NXPE2: variants seen among roughly 807,000 people sequenced by gnomAD.
The protein encoded by NXPE2 is NXPE family member 2.
A neutral mutation model predicts 34.4 loss-of-function variants in NXPE2; 34 were observed. The observed-to-expected ratio is 0.99, with a 90% CI of 0.75 to 1.31. The LOEUF (loss-of-function observed/expected upper bound fraction) is 1.31. Among genes scored for constraint, NXPE2 ranks in the 40% most tolerant of loss-of-function variants. NXPE2 has a pLI of 0.00. For synonymous variants in NXPE2, 235 were observed against 231.3 expected, an observed-to-expected ratio of 1.02 and a Z score of -0.15; for missense variants, 649 against 672.5, an observed-to-expected ratio of 0.97 and a Z score of 0.39.
the NXPE2 span, among the ~76,000 whole-genome samples, chr11:114,480,206 A>T: frequency 6.8e-6 from 1 of 148,066 alleles, no homozygotes; most frequent in South Asian, 2.2e-4. Context: ...GAAGGAAAGA[A>T]GACCCAGAAG....
the NXPE2 span, among the ~76,000 whole-genome samples, chr11:114,524,734 G>A: frequency 6.6e-6 from 1 of 152,130 alleles, no homozygotes; most frequent in African/African-American, 2.4e-5. Flanking sequence ...TAAACCCTAT[G>A]TTGTGTAATC....
the NXPE2 span, among the ~76,000 whole-genome samples, chr11:114,592,327 T>C: frequency 6.6e-6 from 1 of 152,082 alleles, no homozygotes; most frequent in Non-Finnish European, 1.5e-5. Context: ...TCAGTAAAGT[T>C]GCAGGATACA....
intron 2 of NXPE2, among the ~76,000 whole-genome samples, chr11:114,689,984 A>G (rs560098648): frequency 6.6e-6 from 1 of 152,250 alleles, no homozygotes; most frequent in South Asian, 2.1e-4. Flanking sequence ...GTATTGTTAT[A>G]TGTGAGATGA....
chr11:114,805,775 A>C, the NXPE2 span, among the ~76,000 whole-genome samples: 1 of 152,344 alleles, frequency 6.6e-6, no homozygotes, highest in African/African-American at 2.4e-5. Context: ...GGGGCAGGGC[A>C]CAGACAAACA....
At chr11:114,808,693 C>G in the NXPE2 span, among the ~76,000 whole-genome samples, 1 of 151,474 alleles carries the variant, frequency 6.6e-6, no homozygotes, top group Non-Finnish European at 1.5e-5. Flanking sequence ...GAAATTGAGG[C>G]AATAATCAAT....
chr11:114,746,622 T>C, the NXPE2 span, among the ~76,000 whole-genome samples: 1 of 151,892 alleles, frequency 6.6e-6, no homozygotes, highest in African/African-American at 2.4e-5. Flanking sequence ...GAGGCTGAGG[T>C]GGGCGGATCA....
chr11:114,769,001 C>A, the NXPE2 span, among the ~76,000 whole-genome samples: 1 of 152,070 alleles, frequency 6.6e-6, no homozygotes, highest in Admixed American at 6.6e-5. Flanking sequence ...GCAAAAGAAA[C>A]TATCATCAGA....
chr11:114,628,876 A>G, the NXPE2 span, among the ~76,000 whole-genome samples: 1 of 152,052 alleles, frequency 6.6e-6, no homozygotes, highest in East Asian at 1.9e-4. Flanking sequence ...AACTACCATC[A>G]GAGAATGCTA....
In NXPE2 at chr11:114,698,678, G is replaced by A; in HGVS notation, c.766G>A (p.Val256Met). 6.2e-7 allele frequency: 1 copy of A among 1,614,120 alleles called. No individual in the cohort carries two copies. Among genetic ancestry groups the A allele is most frequent in the South Asian group, 1.1e-5 (1 of 91,058 alleles). Residue 256 changes from valine (V) to methionine (M), a missense_variant, in exon 3 of 6, where the codon GTG becomes ATG. Transcript: ENST00000389586. The stretch of plus-strand genomic sequence containing the variant: ...CAGAGACCAAGAAGCCTTCTACTGT[G>A]TGAGGCCTCAACATATGCCCTGTGA... ...DDRDQEAFYC[V>M]RPQHMPCEAL...
chr11:114,485,431 T>C, the NXPE2 span, among the ~76,000 whole-genome samples: 3 of 141,904 alleles, frequency 2.1e-5, no homozygotes, highest in East Asian at 4.2e-4. Context: ...GGTTTCACCA[T>C]GTTGGCCAGG....
chr11:114,711,126 A>G (rs1859604163), downstream of NXPE2, among the ~76,000 whole-genome samples: 1 of 152,182 alleles, frequency 6.6e-6, no homozygotes, highest in Non-Finnish European at 1.5e-5. Flanking sequence ...AAAAGCCCAC[A>G]GTTAATACCA....
chr11:114,568,940 C>A, the NXPE2 span, among the ~76,000 whole-genome samples: 1 of 151,570 alleles, frequency 6.6e-6, no homozygotes, highest in Non-Finnish European at 1.5e-5. Context: ...GACTATATAC[C>A]TAAAGACTAG....
chr11:114,556,884 C>T, the NXPE2 span, among the ~76,000 whole-genome samples: 1 of 150,810 alleles, frequency 6.6e-6, no homozygotes, highest in Admixed American at 6.6e-5. Context: ...ATTCCATTTT[C>T]TCCCTTTTTG....
At chr11:114,700,856 T>C (rs1517693) in intron 3 of NXPE2, among the ~76,000 whole-genome samples, 57,063 of 151,774 alleles carry the variant, frequency 0.38, 11,704 homozygotes, top group South Asian at 0.48. Context: ...GAGACTTTGG[T>C]TCCCCAGTTT....
rs139069068 is a variant in NXPE2 at position 114,683,051 on chromosome 11, A to G, written c.132+3289A>G. On this transcript the variant is annotated intron_variant, in intron 2 of 5. Transcript: ENST00000389586. ...AAATTTCATTGTTCTAACCAATTCTATTATTCAGCGTATAAGTGGTTTTTT... is the reference window on the plus strand; with the variant it reads ...AAATTTCATTGTTCTAACCAATTCTGTTATTCAGCGTATAAGTGGTTTTTT... Among the ~76,000 whole-genome samples, 726 of 152,236 alleles carry G rather than the reference A, an allele frequency of 4.8e-3. 3 individuals are homozygous for G. The highest frequency in any genetic ancestry group is 8.2e-3 in the Non-Finnish European group (560 of 68,002).
the NXPE2 span, chr11:114,522,905 A>G: frequency 6.2e-7 from 1 of 1,613,108 alleles, no homozygotes; most frequent in Non-Finnish European, 8.5e-7. Context: ...GAAGTAGTAG[A>G]TCCACTGACG....
the NXPE2 span, among the ~76,000 whole-genome samples, chr11:114,806,364 A>T: frequency 2.6e-5 from 4 of 152,366 alleles, no homozygotes; most frequent in Admixed American, 2.6e-4. Context: ...GGACGAGTTG[A>T]GAGAAGGCAG....
the NXPE2 span, chr11:114,580,143 G>T: frequency 1.2e-6 from 2 of 1,613,144 alleles, no homozygotes; most frequent in Non-Finnish European, 1.7e-6. Flanking sequence ...GTTGATACTG[G>T]CTTTGAAGTA....
At chr11:114,770,553 ATAGAGTTAACATCACAT>A in the NXPE2 span, among the ~76,000 whole-genome samples, 3 of 152,398 alleles carry the variant, frequency 2.0e-5, no homozygotes, top group African/African-American at 7.2e-5. Context: ...AGCCGCATAA[ATAGAGTTAACATCACAT>A]TAATGCTGTT....
Sources: allele counts gnomAD v4.1 joint callset (sites outside exome capture counted in the v4.1 genomes callset), GRCh38; gene constraint gnomAD v4.1.1; transcripts MANE v1.5; gene names NCBI Gene and HGNC (gene_info 2026-07-23, HGNC 2026-07-21).